The following THSD7B variants were observed in gnomAD, a reference collection of about 807,000 sequenced individuals.
THSD7B encodes the protein thrombospondin type 1 domain containing 7B.
Under a neutral mutation model 213.6 loss-of-function variants are expected in THSD7B, and 138 were observed. That is an observed-to-expected ratio of 0.65 (90% confidence interval 0.56 to 0.74). The LOEUF is 0.74. Ranked by LOEUF, THSD7B falls within the 30% of genes least tolerant of loss-of-function variation. The pLI is 0.00. For missense variants in THSD7B, 1,931 were observed against 1,991.5 expected, an observed-to-expected ratio of 0.97 and a Z score of 0.58; for synonymous variants, 742 against 687.0, an observed-to-expected ratio of 1.08 and a Z score of -1.25.
rs144194688 is a variant in THSD7B, at chr2:136,930,219, G to T, written c.139+47902G>T. Among the ~76,000 whole-genome samples the T allele has an allele frequency of 2.2e-4, 33 of 152,312 alleles. No individual in the cohort carries two copies. The East Asian group carries it at 6.4e-3, about 29-fold the overall frequency. The stretch of plus-strand genomic sequence containing the variant: ...AAGAATTCAAGGAAGGGAGAGATCA[G>T]TATGAGTTGCATATAAAAATAGGAC... On this transcript the variant is annotated intron_variant, in intron 2 of 27. Transcript: ENST00000409968.
At chr2:137,229,635 A>G (rs572333245) in intron 7 of THSD7B, among the ~76,000 whole-genome samples, 35 of 152,218 alleles carry the variant, frequency 2.3e-4, no homozygotes, top group African/African-American at 7.9e-4. Context: ...AAGAATATCC[A>G]TCTCCTTGGA....
At chr2:137,157,327 G>A (rs1406939655) in intron 5 of THSD7B, among the ~76,000 whole-genome samples, 3 of 152,214 alleles carry the variant, frequency 2.0e-5, no homozygotes, top group African/African-American at 7.2e-5. Flanking sequence ...TTGCACTGCA[G>A]ATGAGGGACA....
chr2:137,157,830 A>G (rs1460193417), intron 5 of THSD7B, among the ~76,000 whole-genome samples: 1 of 152,200 alleles, frequency 6.6e-6, no homozygotes, highest in Non-Finnish European at 1.5e-5. Flanking sequence ...GTGGGTTATA[A>G]CTAGTGTCTG....
chr2:137,256,264 A>G (rs1299037238), intron 10 of THSD7B, among the ~76,000 whole-genome samples: 1 of 152,188 alleles, frequency 6.6e-6, no homozygotes, highest in Non-Finnish European at 1.5e-5. Context: ...TTACATTAAG[A>G]TGAATAAAAT....
intron 15 of THSD7B, among the ~76,000 whole-genome samples, chr2:137,464,086 C>G (rs1687939512): frequency 6.6e-6 from 1 of 152,002 alleles, no homozygotes; most frequent in African/African-American, 2.4e-5. Context: ...GCCAGCCGGA[C>G]CCTGAATCTC....
At chr2:137,669,287 GT>G (rs1265950640) in intron 27 of THSD7B, among the ~76,000 whole-genome samples, 2 of 152,130 alleles carry the variant, frequency 1.3e-5, no homozygotes, top group African/African-American at 4.8e-5. Flanking sequence ...GTCAGTGAAA[GT>G]TGATGAAGAA....
intron 5 of THSD7B, 106 bp from the exon 6 acceptor site, chr2:137,160,107 T>G (rs1679986494): frequency 7.9e-7 from 1 of 1,271,650 alleles, no homozygotes; most frequent in Non-Finnish European, 1.1e-6. Context: ...TATGTTCTTT[T>G]TAACTATAAT....
At chr2:137,479,120 A>G (rs1450147826) in intron 15 of THSD7B, among the ~76,000 whole-genome samples, 1 of 152,154 alleles carries the variant, frequency 6.6e-6, no homozygotes, top group Non-Finnish European at 1.5e-5. Flanking sequence ...TGGGCATGGT[A>G]CAGGCAATGG....
intron 11 of THSD7B, among the ~76,000 whole-genome samples, chr2:137,273,144 C>A (rs1486224785): frequency 6.6e-6 from 1 of 151,670 alleles, no homozygotes; most frequent in Non-Finnish European, 1.5e-5. Context: ...AATTTGTACT[C>A]CCTTGTTTAT....
chr2:136,837,355 G>A (rs778188), intron 1 of THSD7B, among the ~76,000 whole-genome samples: 128,937 of 152,084 alleles, frequency 0.85, 54,767 homozygotes, highest in Non-Finnish European at 0.87. Flanking sequence ...CCTCCCTTCT[G>A]GCCAACTAAC....
intron 4 of THSD7B, among the ~76,000 whole-genome samples, chr2:137,101,014 A>G (rs1036999270): frequency 9.2e-5 from 14 of 152,082 alleles, no homozygotes; most frequent in African/African-American, 3.4e-4. Context: ...CATCTTTTAA[A>G]TCTTCTCCTA....
chr2:137,497,143 C>A (rs1265412475), intron 15 of THSD7B, among the ~76,000 whole-genome samples: 1 of 151,718 alleles, frequency 6.6e-6, no homozygotes, highest in East Asian at 1.9e-4. Flanking sequence ...TTGGTAGTTA[C>A]TTTTTTAGGC....
intron 12 of THSD7B, among the ~76,000 whole-genome samples, chr2:137,350,413 T>TAATC (rs1684986275): frequency 6.6e-6 from 1 of 151,784 alleles, no homozygotes; most frequent in Admixed American, 6.6e-5. Flanking sequence ...TGCAATGGAA[T>TAATC]AATCGAAATA....
At chr2:136,819,536 C>T (rs1213981027) in intron 1 of THSD7B, among the ~76,000 whole-genome samples, 2 of 152,108 alleles carry the variant, frequency 1.3e-5, no homozygotes, top group Admixed American at 1.3e-4. Context: ...CTGGACTTAT[C>T]CTCAATGTAC....
chr2:137,331,343 A>G (rs1684502209), intron 12 of THSD7B, among the ~76,000 whole-genome samples: 1 of 151,070 alleles, frequency 6.6e-6, no homozygotes, highest in African/African-American at 2.4e-5. Context: ...TGAGCTAGAC[A>G]TAAACGTTCT....
Position 136,964,668 on chromosome 2 carries a change from A to G in THSD7B, c.139+82351A>G, listed in dbSNP as rs372235405. 1.1e-4 allele frequency among the ~76,000 whole-genome samples: 17 copies of G among 152,216 alleles called. No individual in the cohort carries two copies. In the East Asian group the frequency reaches 1.9e-3, roughly 17 times the overall value. ...CTCAAAACAAAACAATAACAAAAACATCTCTCCAGCTGTCATCTCATTTCT... is the reference window on the plus strand; with the variant it reads ...CTCAAAACAAAACAATAACAAAAACGTCTCTCCAGCTGTCATCTCATTTCT... On this transcript the variant is annotated intron_variant, in intron 2 of 27. Coordinates refer to ENST00000409968, the MANE Select transcript of THSD7B (RefSeq NM_001316349.2).
At chr2:136,896,910 A>C (rs1001018493) in intron 2 of THSD7B, among the ~76,000 whole-genome samples, 1 of 151,816 alleles carries the variant, frequency 6.6e-6, no homozygotes, top group African/African-American at 2.4e-5. Flanking sequence ...TAGTCTATAC[A>C]TAATCCTTAT....
At chr2:137,190,145 T>C (rs1045414054) in intron 7 of THSD7B, among the ~76,000 whole-genome samples, 2 of 152,182 alleles carry the variant, frequency 1.3e-5, no homozygotes, top group African/African-American at 4.8e-5. Context: ...CCGCTGGATG[T>C]GACTAACTAG....
intron 15 of THSD7B, among the ~76,000 whole-genome samples, chr2:137,516,751 C>T (rs746474230): frequency 6.6e-6 from 1 of 152,176 alleles, no homozygotes; most frequent in African/African-American, 2.4e-5. Flanking sequence ...CATTGGCTCC[C>T]TGACTAGTGG....
Sources: gnomAD v4.1 joint callset for allele counts (sites outside exome capture counted in the v4.1 genomes callset) on GRCh38, gnomAD v4.1.1 for gene constraint, MANE v1.5 for transcripts, NCBI Gene and HGNC (gene_info 2026-07-23, HGNC 2026-07-21) for gene names.